The following MGAT4C variants were observed in gnomAD, a reference collection of about 807,000 sequenced individuals.
MGAT4C encodes the protein alpha-1,3-mannosyl-glycoprotein 4-beta-N-acetylglucosaminyltransferase C.
A neutral mutation model predicts 40.1 loss-of-function variants in MGAT4C; 19 were observed. That is an observed-to-expected ratio of 0.47 (90% CI 0.33 to 0.70). MGAT4C has a LOEUF of 0.70. Ranked by LOEUF, MGAT4C falls within the 30% of genes least tolerant of loss-of-function variation. MGAT4C has a pLI of 0.02. For missense variants in MGAT4C, 491 were observed against 563.2 expected (o/e 0.87, Z 1.30); for synonymous variants, 181 against 187.1 (o/e 0.97, Z 0.27).
At chr12:86,492,776 C>T (rs1166855459) in intron 2 of MGAT4C, among the ~76,000 whole-genome samples, 1 of 152,116 alleles carries the variant, frequency 6.6e-6, no homozygotes, top group East Asian at 1.9e-4. Flanking sequence ...GCAATGGCAA[C>T]AAAACCGAAA....
chr12:86,386,917 C>T (rs1956063251), intron 3 of MGAT4C, among the ~76,000 whole-genome samples: 1 of 152,082 alleles, frequency 6.6e-6, no homozygotes, highest in East Asian at 1.9e-4. Flanking sequence ...GCATAGCTGA[C>T]TAATAACACA....
At chr12:86,687,730 G>C (rs916584554) in intron 2 of MGAT4C, among the ~76,000 whole-genome samples, 1 of 152,132 alleles carries the variant, frequency 6.6e-6, no homozygotes, top group Non-Finnish European at 1.5e-5. Context: ...TTTTGCATTT[G>C]TTGAGAAGTG....
At chr12:86,161,337 A>G (rs1885562639) in intron 1 of MGAT4C, among the ~76,000 whole-genome samples, 1 of 152,090 alleles carries the variant, frequency 6.6e-6, no homozygotes, top group Admixed American at 6.6e-5. Flanking sequence ...CAGAATTTTA[A>G]AAACTCAGAA....
intron 2 of MGAT4C, among the ~76,000 whole-genome samples, chr12:86,561,636 T>C (rs1030768329): frequency 2.6e-5 from 4 of 152,132 alleles, no homozygotes; most frequent in Non-Finnish European, 4.4e-5. Flanking sequence ...AATTTTGAGA[T>C]TTTGGGACTG....
chr12:86,144,074 G>A (rs372590013), intron 1 of MGAT4C, among the ~76,000 whole-genome samples: 54 of 152,318 alleles, frequency 3.5e-4, no homozygotes, highest in African/African-American at 1.1e-3. Context: ...TGAAGAGGGA[G>A]CCACTAGGTG....
intron 1 of MGAT4C, among the ~76,000 whole-genome samples, chr12:86,761,962 A>AG (rs1222665636): frequency 1.3e-5 from 2 of 151,972 alleles, no homozygotes; most frequent in African/African-American, 2.4e-5. Flanking sequence ...TATCTTTGTC[A>AG]GGGGGGCATT....
At chr12:86,688,291 C>T (rs1012611964) in intron 2 of MGAT4C, among the ~76,000 whole-genome samples, 1 of 149,100 alleles carries the variant, frequency 6.7e-6, no homozygotes, top group African/African-American at 2.5e-5. Flanking sequence ...GGTCTTGTCT[C>T]TTTATCCAAT....
At chr12:86,154,442 G>A (rs759164747) in intron 1 of MGAT4C, among the ~76,000 whole-genome samples, 9 of 152,176 alleles carry the variant, frequency 5.9e-5, no homozygotes, top group Non-Finnish European at 1.2e-4. Context: ...GCAAGTGCAG[G>A]CAAAATACCA....
At chr12:86,765,401 G>A (rs1951487100) in intron 1 of MGAT4C, among the ~76,000 whole-genome samples, 1 of 152,202 alleles carries the variant, frequency 6.6e-6, no homozygotes, top group South Asian at 2.1e-4. Flanking sequence ...TTGTGTACCT[G>A]AAAGTGACGG....
intron 1 of MGAT4C, among the ~76,000 whole-genome samples, chr12:86,756,032 A>G (rs972495054): frequency 2.6e-5 from 4 of 151,860 alleles, no homozygotes; most frequent in Non-Finnish European, 4.4e-5. Context: ...AGTTTTTTAA[A>G]TGTTTTATTT....
At chr12:86,811,192 A>G (rs887049791) in intron 1 of MGAT4C, among the ~76,000 whole-genome samples, 1 of 151,224 alleles carries the variant, frequency 6.6e-6, no homozygotes, top group Non-Finnish European at 1.5e-5. Context: ...TAGATTGGTG[A>G]TTTCTTTTCT....
intron 4 of MGAT4C, among the ~76,000 whole-genome samples, chr12:86,317,052 A>G (rs1292230285): frequency 1.3e-5 from 2 of 152,018 alleles, no homozygotes; most frequent in African/African-American, 4.8e-5. Flanking sequence ...GAAGGAAGGA[A>G]ACCCTAGAAA....
At chr12:85,980,662 C>T (rs1192212235) in intron 4 of MGAT4C, among the ~76,000 whole-genome samples, 2 of 151,884 alleles carry the variant, frequency 1.3e-5, no homozygotes, top group Non-Finnish European at 2.9e-5. Flanking sequence ...ACCTTAATCA[C>T]AATAATGTAT....
At chr12:86,087,572 CTTTGCTGAAGT>C (rs1872105072) in intron 1 of MGAT4C, among the ~76,000 whole-genome samples, 1 of 151,980 alleles carries the variant, frequency 6.6e-6, no homozygotes, top group Non-Finnish European at 1.5e-5. Flanking sequence ...TATCCTGAAA[CTTTGCTGAAGT>C]TGTTTATCAG....
chr12:86,293,219 T>A (rs1260132926), intron 4 of MGAT4C, among the ~76,000 whole-genome samples: 1 of 152,142 alleles, frequency 6.6e-6, no homozygotes, highest in Non-Finnish European at 1.5e-5. Context: ...AGTGTGTGCA[T>A]GGAGACAGTG....
chr12:86,355,446 T>C (rs1955288052), intron 3 of MGAT4C, among the ~76,000 whole-genome samples: 1 of 152,138 alleles, frequency 6.6e-6, no homozygotes, highest in Admixed American at 6.5e-5. Context: ...AATTTACAGA[T>C]TTTTATAATT....
intron 3 of MGAT4C, among the ~76,000 whole-genome samples, chr12:86,423,741 A>G (rs1956875658): frequency 6.6e-6 from 1 of 152,216 alleles, no homozygotes; most frequent in African/African-American, 2.4e-5. Context: ...ATTACATTAC[A>G]TTATTATCCA....
rs770134597 is a variant in MGAT4C, at chr12:86,783,410, TCAGAA to T, written c.-262+55251_-262+55255del. On this transcript the variant is annotated intron_variant, in intron 1 of 7. Coordinates refer to the MGAT4C transcript ENST00000548651. ...TTATCTCTCACAACCCAGAAGAAGA[TCAGAA>T]CAGGAGGACAGAAAAATATTATGAA... 8.8e-4 allele frequency among the ~76,000 whole-genome samples: 133 copies of T among 150,764 alleles called. 1 individual carries two copies. Among genetic ancestry groups the T allele is most frequent in the African/African-American group, 1.6e-3 (68 of 41,344 alleles).
At chr12:86,245,348 TCCTGG>T in intron 1 of MGAT4C, among the ~76,000 whole-genome samples, 1 of 152,222 alleles carries the variant, frequency 6.6e-6, no homozygotes. Context: ...CTTCTAGGCT[TCCTGG>T]AAACTACAAT....
Sources: allele counts gnomAD v4.1 joint callset (sites outside exome capture counted in the v4.1 genomes callset), GRCh38; gene constraint gnomAD v4.1.1; transcripts MANE v1.5; gene names NCBI Gene and HGNC (gene_info 2026-07-23, HGNC 2026-07-21).